The following GNPNAT1 variants were observed in gnomAD, a reference collection of about 807,000 sequenced individuals.
GNPNAT1 encodes the protein glucosamine 6-phosphate N-acetyltransferase.
GNPNAT1 carries 11 observed loss-of-function variants against 19.8 expected under a neutral mutation model. The observed-to-expected ratio is 0.56, with a 90% confidence interval of 0.35 to 0.92. GNPNAT1 has a LOEUF of 0.92. Among genes scored for constraint, GNPNAT1 ranks in the 40% least tolerant of loss-of-function variants. The probability of loss-of-function intolerance (pLI) is 0.01; values close to 1 mark genes in which losing one functional copy is unlikely to be tolerated. For synonymous variants in GNPNAT1, 71 were observed against 72.3 expected (o/e 0.98, Z 0.09); for missense variants, 157 against 211.0 (o/e 0.74, Z 1.59).
chr14:52,776,957 G>A lies in GNPNAT1; in HGVS notation c.*1354C>T, dbSNP rs1446125478. ...TAGGACTTCTGAAAAGACAGAACTA[G>A]CTTTGTTGCGTTTCACGAAGGACAG... On this transcript the variant is annotated 3_prime_UTR_variant, in exon 6 of 6. Coordinates refer to ENST00000216410, the MANE Select transcript of GNPNAT1 (RefSeq NM_198066.4). 6.6e-6 allele frequency: 1 copy of A among 152,212 alleles called. No homozygotes were observed. The highest frequency in any genetic ancestry group is 1.5e-5 in the Non-Finnish European group (1 of 68,040). 9.4% of individuals were successfully genotyped at this position (152,212 alleles called of 1,614,324 possible). A position where few individuals can be genotyped will look rare whatever the true frequency, so the allele number is the denominator to read the frequency against.
intron 5 of GNPNAT1, among the ~76,000 whole-genome samples, chr14:52,780,031 G>C (rs189429154): frequency 4.1e-4 from 62 of 152,066 alleles, no homozygotes; most frequent in Admixed American, 1.3e-3. Context: ...AATTAGCCAG[G>C]TGTGGCGTGT....
chr14:52,782,760 A>C lies in GNPNAT1; in HGVS notation c.217+663T>G, dbSNP rs148378081. Among the ~76,000 whole-genome samples, 15 of 152,226 alleles carry C rather than the reference A, an allele frequency of 9.9e-5. No individual in the cohort carries two copies. In the East Asian group the frequency reaches 2.5e-3, roughly 25 times the overall value. On this transcript the variant is annotated intron_variant, in intron 3 of 5. Transcript: ENST00000216410. ...TCTCAGGAGGGTCAAATAGAATTCAATACAAAATTCCCTATTATAAGGAAA... is the reference window on the plus strand; with the variant it reads ...TCTCAGGAGGGTCAAATAGAATTCACTACAAAATTCCCTATTATAAGGAAA...
Position 52,776,041 on chromosome 14 carries a change from A to G in GNPNAT1, c.*2270T>C, listed in dbSNP as rs902491270. The G allele has an allele frequency of 6.6e-6, 1 of 152,256 alleles. No homozygotes were observed. Among genetic ancestry groups the G allele is most frequent in the African/African-American group, 2.4e-5 (1 of 41,388 alleles). 9.4% of individuals were successfully genotyped at this position (152,256 alleles called of 1,614,324 possible). ...TTTTTAATTAGCTGGGTGTGGTGGC[A>G]TGCACCTATAGTCCCAGCCACATGG... On this transcript the variant is annotated 3_prime_UTR_variant, in exon 6 of 6. Coordinates refer to ENST00000216410, the MANE Select transcript of GNPNAT1 (RefSeq NM_198066.4).
chr14:52,783,368 C>G (rs1024040797), intron 3 of GNPNAT1, 55 bp downstream of exon 3: 3 of 1,237,118 alleles, frequency 2.4e-6, no homozygotes, highest in Non-Finnish European at 3.5e-6. Context: ...CAGCTCTAAA[C>G]AAAAATGAAA....
chr14:52,784,511 G>A lies in GNPNAT1; in HGVS notation c.140C>T (p.Ala47Val), dbSNP rs1227230495. ...TTGTACATTACCTCTATTTAAGTCA[G>A]CAGTACAAAGAGGCCTCAAAACCAA... is the stretch of plus-strand genomic sequence containing the variant. ...EGLVLRPLCT[A>V]DLNRGFFKVL... Residue 47 changes from alanine (A) to valine (V), a missense_variant, in exon 2 of 6, where the codon GCT becomes GTT. Physicochemically the swap from Ala to Val is moderately conservative, Grantham distance 64. Transcript: ENST00000216410. 1 of 1,579,028 alleles carries A rather than the reference G, an allele frequency of 6.3e-7. No homozygotes were observed. The highest frequency in any genetic ancestry group is 8.6e-7 in the Non-Finnish European group (1 of 1,168,486).
chr14:52,780,710 C>T lies in GNPNAT1; in HGVS notation c.376G>A (p.Asp126Asn). The change falls in exon 5 of 6, where the codon GAT (aspartate) becomes AAT (asparagine). Residue 126 changes from aspartate to asparagine, a missense_variant. Asp to Asn is a conservative substitution (Grantham distance 23, BLOSUM62 1). Coordinates refer to ENST00000216410, the MANE Select transcript of GNPNAT1 (RefSeq NM_198066.4). ...RGRVEDVVVS[D>N]ECRGKQLGKL... ...CCAAGCTGCTTTCCTCTGCATTCAT[C>T]ACTAACAACAACATCTTCTACTCTT... 2 of 1,605,780 alleles carry T rather than the reference C, an allele frequency of 1.2e-6. No individual in the cohort carries two copies. Among genetic ancestry groups the T allele is most frequent in the African/African-American group, 2.7e-5 (2 of 74,876 alleles).
chr14:52,777,318 T>C lies in GNPNAT1; in HGVS notation c.*993A>G, dbSNP rs1371002753. 6.6e-6 allele frequency: 1 copy of C among 152,656 alleles called. No individual in the cohort carries two copies. The highest frequency in any genetic ancestry group is 2.4e-5 in the African/African-American group (1 of 41,470). The allele number at this position is 152,656 out of a possible 1,614,324, so 9.5% of individuals were successfully genotyped here. A position where few individuals can be genotyped will look rare whatever the true frequency, so the allele number is the denominator to read the frequency against. On this transcript the variant is annotated 3_prime_UTR_variant, in exon 6 of 6. Transcript: ENST00000216410. ...GCAAAAGATTAGAACCATTAAAATA[T>C]TTAATTCTTCAACTTTAAAAAATTA...
At chr14:52,790,598 G>A (rs1024551626) in intron 1 of GNPNAT1, among the ~76,000 whole-genome samples, 2 of 152,204 alleles carry the variant, frequency 1.3e-5, no homozygotes, top group African/African-American at 2.4e-5. Flanking sequence ...CAGCAAGTAA[G>A]TGACTTGGGG....
At chr14:52,788,122 TTTTG>T (rs532670889) in intron 1 of GNPNAT1, among the ~76,000 whole-genome samples, 96 of 152,086 alleles carry the variant, frequency 6.3e-4, no homozygotes, top group Middle Eastern at 3.4e-3. Context: ...AGGTTTTTTG[TTTTG>T]TTTTATTGTT....
In GNPNAT1 at chr14:52,776,304, A is replaced by T. The variant is rs1026047575; in HGVS notation, c.*2007T>A. On this transcript the variant is annotated 3_prime_UTR_variant, in exon 6 of 6. Coordinates refer to ENST00000216410, the MANE Select transcript of GNPNAT1 (RefSeq NM_198066.4). ...TAGCACTTTTTTCATATTTACATTTACTCACCATATGGCTTCAAAAATCAT... is the reference window on the plus strand; with the variant it reads ...TAGCACTTTTTTCATATTTACATTTTCTCACCATATGGCTTCAAAAATCAT... 6.6e-6 allele frequency: 1 copy of T among 152,126 alleles called. No individual in the cohort carries two copies. The highest frequency in any genetic ancestry group is 6.5e-5 in the Admixed American group (1 of 15,270). The allele number at this position is 152,126 out of a possible 1,614,324, so 9.4% of individuals were successfully genotyped here.
At chr14:52,783,083 T>C (rs1403786225) in intron 3 of GNPNAT1, among the ~76,000 whole-genome samples, 1 of 152,094 alleles carries the variant, frequency 6.6e-6, no homozygotes, top group Non-Finnish European at 1.5e-5. Flanking sequence ...TTAAAGCGTA[T>C]AGTCTTGCTT....
In GNPNAT1 at chr14:52,781,783, C is replaced by T. The variant is rs1313873421; in HGVS notation, c.345+1G>A. 6.3e-7 allele frequency: 1 copy of T among 1,593,212 alleles called. No homozygotes were observed. The highest frequency in any genetic ancestry group is 2.3e-5 in the East Asian group (1 of 43,462). On this transcript the variant is annotated splice_donor_variant, in intron 4 of 5. Coordinates refer to ENST00000216410, the MANE Select transcript of GNPNAT1 (RefSeq NM_198066.4). LOFTEE classifies it high-confidence loss of function. ...CCATTTTATTTATAAGCAGCACATA[C>T]CTTAGCACAGGAATGGATGAATTTA...
At chr14:52,779,402 T>TA (rs1462276598) in intron 5 of GNPNAT1, among the ~76,000 whole-genome samples, 1 of 152,030 alleles carries the variant, frequency 6.6e-6, no homozygotes, top group Non-Finnish European at 1.5e-5. Flanking sequence ...TTGAACAGAC[T>TA]AAAAAATCCT....
At chr14:52,789,218 T>G (rs1434645218) in intron 1 of GNPNAT1, among the ~76,000 whole-genome samples, 1 of 152,194 alleles carries the variant, frequency 6.6e-6, no homozygotes, top group Non-Finnish European at 1.5e-5. Context: ...AGTTCTTAAT[T>G]TTTTAACAAG....
chr14:52,783,826 T>C, intron 2 of GNPNAT1, among the ~76,000 whole-genome samples: 1 of 152,112 alleles, frequency 6.6e-6, no homozygotes, highest in Non-Finnish European at 1.5e-5. Flanking sequence ...TGTGATTTGG[T>C]TTTACTTAAA....
chr14:52,790,947 C>T (rs1447708053), intron 1 of GNPNAT1, among the ~76,000 whole-genome samples: 1 of 152,296 alleles, frequency 6.6e-6, no homozygotes, highest in East Asian at 1.9e-4. Context: ...CTGGGGAAAG[C>T]GCCGACCTAC....
intron 5 of GNPNAT1, among the ~76,000 whole-genome samples, chr14:52,778,945 G>A (rs1416612553): frequency 2.0e-5 from 3 of 152,084 alleles, no homozygotes; most frequent in Non-Finnish European, 4.4e-5. Flanking sequence ...AGCCCAGAGA[G>A]GTCAAGGCTG....
rs1163468524 is a variant in GNPNAT1 at position 52,778,247 on chromosome 14, T to G, written c.*64A>C. On this transcript the variant is annotated 3_prime_UTR_variant, in exon 6 of 6. Transcript: ENST00000216410. ...TCACTCGGCTGCAGCAACAAAATAT[T>G]TCAACTCTAGGAAGAGTGTAGCCTT... The G allele has an allele frequency of 7.8e-7, 1 of 1,286,696 alleles. No homozygotes were observed. The highest frequency in any genetic ancestry group is 1.1e-6 in the Non-Finnish European group (1 of 945,606). The allele number at this position is 1,286,696 out of a possible 1,614,324, so 79.7% of individuals were successfully genotyped here. A position where few individuals can be genotyped will look rare whatever the true frequency, so the allele number is the denominator to read the frequency against.
Position 52,778,529 on chromosome 14 carries a change from GAATT to G in GNPNAT1, c.408-75_408-72del, listed in dbSNP as rs1458333328. On this transcript the variant is annotated intron_variant, in intron 5 of 5. Coordinates refer to ENST00000216410, the MANE Select transcript of GNPNAT1 (RefSeq NM_198066.4). ...TAAAAATTGATTCTAGTAACAATAT[GAATT>G]AATGTTATAAAACTTAAGTTTCCTT... The G allele has an allele frequency of 6.1e-6, 8 of 1,303,092 alleles. No individual in the cohort carries two copies. In the African/African-American group the frequency reaches 7.7e-5, roughly 13 times the overall value. 80.7% of individuals were successfully genotyped at this position (1,303,092 alleles called of 1,614,324 possible).
Sources: gnomAD v4.1 joint callset for allele counts (sites outside exome capture counted in the v4.1 genomes callset) on GRCh38, gnomAD v4.1.1 for gene constraint, MANE v1.5 for transcripts, NCBI Gene and HGNC (gene_info 2026-07-23, HGNC 2026-07-21) for gene names.